Variants in TMEM165 observed in about 807,000 individuals in gnomAD.
The protein encoded by TMEM165 is transmembrane protein 165, also known as putative divalent cation/proton antiporter TMEM165.
Under a neutral mutation model 30.0 loss-of-function variants are expected in TMEM165, and 19 were observed. The observed-to-expected ratio is 0.63, with a 90% CI of 0.44 to 0.93. TMEM165 has a LOEUF of 0.93. Among genes scored for constraint, TMEM165 ranks in the 40% least tolerant of loss-of-function variants. The pLI, the probability that TMEM165 is intolerant of heterozygous loss-of-function variation, is 0.00. For synonymous variants in TMEM165, 168 were observed against 162.9 expected, an observed-to-expected ratio of 1.03 and a Z score of -0.24; for missense variants, 340 against 417.0, an observed-to-expected ratio of 0.82 and a Z score of 1.61.
chr4:55,444,797 T>C (rs749706828), intron 3 of TMEM165: 9 of 1,613,304 alleles, frequency 5.6e-6, no homozygotes, highest in Admixed American at 1.7e-5. Flanking sequence ...TGAAGTACCA[T>C]GTACGGAAAA....
intron 3 of TMEM165, among the ~76,000 whole-genome samples, chr4:55,449,722 T>TA (rs1435386775): frequency 3.9e-5 from 6 of 152,170 alleles, no homozygotes; most frequent in African/African-American, 1.2e-4. Context: ...AAAAAGTCAC[T>TA]AATTTAATGA....
intron 4 of TMEM165, among the ~76,000 whole-genome samples, chr4:55,421,604 C>T (rs557456437): frequency 2.0e-5 from 3 of 152,072 alleles, no homozygotes; most frequent in Non-Finnish European, 4.4e-5. Flanking sequence ...TCAAATAGAA[C>T]CATCTTCATG....
At chr4:55,437,900 T>C (rs761987390) in intron 3 of TMEM165, among the ~76,000 whole-genome samples, 4 of 152,230 alleles carry the variant, frequency 2.6e-5, no homozygotes, top group Non-Finnish European at 4.4e-5. Flanking sequence ...GTAACACCTA[T>C]ACTAGTAAAA....
intron 3 of TMEM165, chr4:55,444,544 C>A: frequency 6.8e-7 from 1 of 1,465,024 alleles, no homozygotes; most frequent in South Asian, 1.1e-5. Flanking sequence ...GTATCTCTTG[C>A]ATCTCACTTT....
intron 3 of TMEM165, chr4:55,450,168 A>T (rs748926271): frequency 6.2e-7 from 1 of 1,614,054 alleles, no homozygotes; most frequent in Admixed American, 1.7e-5. Flanking sequence ...GCTGTGATCA[A>T]ACCTTTCCAA....
intron 3 of TMEM165, chr4:55,450,342 A>G (rs1211225082): frequency 5.6e-6 from 7 of 1,241,048 alleles, no homozygotes; most frequent in Non-Finnish European, 7.1e-6. Context: ...ATAACAAGGC[A>G]AAAGTACCTG....
Position 55,409,949 on chromosome 4 carries a change from TG to T in TMEM165, c.208-1664del, listed in dbSNP as rs1456609014. Among the ~76,000 whole-genome samples the T allele has an allele frequency of 7.0e-4, 107 of 152,350 alleles. 1 individual carries two copies. The highest frequency in any genetic ancestry group is 1.2e-3 in the Non-Finnish European group (83 of 68,034). ...AAAAACTTTCCCAATTATTGGAACA[TG>T]ATACCCCGTCCTTCCTGGTCCCTCA... On this transcript the variant is annotated intron_variant, in intron 1 of 5. Coordinates refer to ENST00000381334, the MANE Select transcript of TMEM165 (RefSeq NM_018475.5).
At chr4:55,448,426 A>G (rs1019014990) in intron 3 of TMEM165, among the ~76,000 whole-genome samples, 4 of 152,094 alleles carry the variant, frequency 2.6e-5, no homozygotes, top group Admixed American at 2.0e-4. Context: ...TTGTTGTGCA[A>G]GACTCTTATG....
At chr4:55,418,202 T>C (rs1380479628) in intron 4 of TMEM165, 3 of 437,808 alleles carry the variant, frequency 6.9e-6, no homozygotes, top group Non-Finnish European at 1.2e-5. Context: ...GGGCTCTTTT[T>C]ACTCATCCTT....
At chr4:55,447,268 G>A (rs966295206) in intron 3 of TMEM165, among the ~76,000 whole-genome samples, 1 of 152,160 alleles carries the variant, frequency 6.6e-6, no homozygotes, top group Non-Finnish European at 1.5e-5. Context: ...TCGGGAGACT[G>A]AGGCGGGATC....
Position 55,425,543 on chromosome 4 carries a change from T to C in TMEM165, c.*91T>C, listed in dbSNP as rs1722160747. The C allele has an allele frequency of 9.8e-7, 1 of 1,022,208 alleles. No individual in the cohort carries two copies. The highest frequency in any genetic ancestry group is 1.6e-5 in the African/African-American group (1 of 62,112). The allele number at this position is 1,022,208 out of a possible 1,614,324, so 63.3% of individuals were successfully genotyped here. On this transcript the variant is annotated 3_prime_UTR_variant, in exon 6 of 6. Coordinates refer to ENST00000381334, the MANE Select transcript of TMEM165 (RefSeq NM_018475.5). Reference sequence around the variant, plus strand: ...ATTACAACTAAAAGTGATGGAAAAATACTGTATTTTGTAGCACTGATTTTG... The same window carrying C: ...ATTACAACTAAAAGTGATGGAAAAACACTGTATTTTGTAGCACTGATTTTG...
At chr4:55,450,151 G>T in intron 3 of TMEM165, 2 of 1,614,038 alleles carry the variant, frequency 1.2e-6, no homozygotes, top group South Asian at 2.2e-5. Context: ...GAGGCAGAAG[G>T]GGTTGGGCTG....
At chr4:55,404,871 C>T (rs889347169) in intron 1 of TMEM165, among the ~76,000 whole-genome samples, 7 of 152,162 alleles carry the variant, frequency 4.6e-5, no homozygotes, top group African/African-American at 1.4e-4. Context: ...TAATGAAGCC[C>T]GTTTGACCTC....
intron 1 of TMEM165, among the ~76,000 whole-genome samples, chr4:55,402,382 T>G (rs1322443079): frequency 1.3e-5 from 1 of 75,568 alleles, no homozygotes; most frequent in Non-Finnish European, 2.7e-5. Context: ...ATTGTTTAAG[T>G]GCGTGCGTGT....
chr4:55,396,087 G>A lies in TMEM165; in HGVS notation c.-103G>A, dbSNP rs995098571. On this transcript the variant is annotated 5_prime_UTR_variant, in exon 1 of 6. Transcript: ENST00000381334. The stretch of plus-strand genomic sequence containing the variant: ...TGACTGCTCCCTAAGCGGCGGCGGC[G>A]GCGAGTCGTGAGGACGCGCCGCGGA... The A allele has an allele frequency of 3.1e-5, 31 of 988,286 alleles. No homozygotes were observed. The highest frequency in any genetic ancestry group is 4.1e-5 in the Non-Finnish European group (31 of 753,288). 61.2% of individuals were successfully genotyped at this position (988,286 alleles called of 1,614,324 possible).
intron 1 of TMEM165, among the ~76,000 whole-genome samples, chr4:55,407,622 C>T (rs1253775969): frequency 1.3e-5 from 2 of 152,144 alleles, no homozygotes; most frequent in Non-Finnish European, 2.9e-5. Flanking sequence ...TTAGACTCTG[C>T]TCTGGCTCAT....
At chr4:55,434,998 A>G (rs1192293614) in intron 3 of TMEM165, 4 of 246,088 alleles carry the variant, frequency 1.6e-5, no homozygotes, top group Non-Finnish European at 3.3e-5. Context: ...TCATGGCATC[A>G]CTGTAAGCAA....
chr4:55,400,186 TA>T (rs1560385640), intron 1 of TMEM165, among the ~76,000 whole-genome samples: 1 of 109,038 alleles, frequency 9.2e-6, no homozygotes, highest in African/African-American at 4.4e-5. Flanking sequence ...ATATAAAAAA[TA>T]ATATATAAAT....
intron 3 of TMEM165, among the ~76,000 whole-genome samples, chr4:55,441,313 G>A (rs1723351456): frequency 6.6e-6 from 1 of 152,160 alleles, no homozygotes; most frequent in Non-Finnish European, 1.5e-5. Flanking sequence ...CACTGCTGGT[G>A]GGAACGTGAG....
Sources: allele counts gnomAD v4.1 joint callset (sites outside exome capture counted in the v4.1 genomes callset), GRCh38; gene constraint gnomAD v4.1.1; transcripts MANE v1.5; gene names NCBI Gene and HGNC (gene_info 2026-07-23, HGNC 2026-07-21).